MPPE1: variants seen among roughly 807,000 people sequenced by gnomAD.
MPPE1 encodes the protein metallo phosphoesterase.
A neutral mutation model predicts 43.8 loss-of-function variants in MPPE1; 28 were observed. The observed-to-expected ratio is 0.64, with a 90% CI of 0.47 to 0.88. The LOEUF (loss-of-function observed/expected upper bound fraction) is 0.88. MPPE1 is among the 40% of genes least tolerant of loss of function. MPPE1 has a pLI of 0.00. For missense variants in MPPE1, 428 were observed against 492.2 expected (o/e 0.87, Z 1.23); for synonymous variants, 159 against 188.5 (o/e 0.84, Z 1.28).
intron 3 of MPPE1, among the ~76,000 whole-genome samples, chr18:11,894,037 GGCTA>G (rs956799882): frequency 1.1e-4 from 16 of 152,274 alleles, no homozygotes; most frequent in African/African-American, 3.8e-4. Flanking sequence ...AAGAGAAATA[GGCTA>G]GCTAATATCA....
chr18:11,886,756 C>T lies in MPPE1; in HGVS notation c.701G>A (p.Gly234Glu), dbSNP rs2037326645. The change falls in exon 8 of 11, where the codon GGA becomes GAA. Residue 234 changes from glycine to glutamate, a missense_variant. Transcript: ENST00000588072. This position sits in a 1 kb window ranked among gnomAD's most constrained non-coding sequence, Gnocchi z 4.1. The stretch of plus-strand genomic sequence containing the variant: ...AGACGTGGGCAGCAGAGGCCCAGGT[C>T]CACACCGGCTGGAGCCACGTGCCTG... Reference protein sequence around the residue: ...SREARGSSRCGPGPLLPTSAP... With the variant: ...SREARGSSRCEPGPLLPTSAP... 6.2e-7 allele frequency: 1 copy of T among 1,613,272 alleles called. No individual in the cohort carries two copies. Among genetic ancestry groups the T allele is most frequent in the Non-Finnish European group, 8.5e-7 (1 of 1,179,882 alleles).
intron 1 of MPPE1, 155 bp downstream of exon 1, chr18:11,908,046 C>T (rs2039890457): frequency 6.6e-6 from 1 of 151,950 alleles, no homozygotes; most frequent in African/African-American, 2.4e-5. Context: ...GTGAGAGACC[C>T]CTGCAAAGTA....
At chr18:11,900,886 G>A (rs1006376547) in intron 2 of MPPE1, among the ~76,000 whole-genome samples, 14 of 145,366 alleles carry the variant, frequency 9.6e-5, no homozygotes, top group South Asian at 2.1e-4. Context: ...CAGCCTGGGC[G>A]ACAGAGCAAG....
In MPPE1 at chr18:11,884,555, A is replaced by AGAT. The variant is rs1429535466; in HGVS notation, c.1078_1080dup (p.Ile360dup). On this transcript the variant is annotated inframe_insertion, in exon 11 of 11. Coordinates refer to ENST00000588072, the MANE Select transcript of MPPE1 (RefSeq NM_023075.6). ...ACAAGGAAGCCCACCACTCCACAGT[A>AGAT]GATGATCAAAACCACATCCTCACGT... 2 of 1,614,086 alleles carry AGAT rather than the reference A, an allele frequency of 1.2e-6. No homozygotes were observed. The highest frequency in any genetic ancestry group is 3.3e-5 in the Admixed American group (2 of 60,026).
chr18:11,889,965 T>A (rs561569096), intron 4 of MPPE1, among the ~76,000 whole-genome samples: 4 of 150,126 alleles, frequency 2.7e-5, no homozygotes, highest in African/African-American at 4.9e-5. Flanking sequence ...TTTTTTGAGA[T>A]GGAGTCTCGC....
At chr18:11,887,986 C>A (rs2037531051) in intron 6 of MPPE1, among the ~76,000 whole-genome samples, 2 of 152,188 alleles carry the variant, frequency 1.3e-5, no homozygotes, top group Admixed American at 6.5e-5. Flanking sequence ...GTGCTGGGCA[C>A]CCACAGGAAG....
chr18:11,894,431 CAAAAAA>C (rs66687820), intron 3 of MPPE1, among the ~76,000 whole-genome samples: 10 of 65,160 alleles, frequency 1.5e-4, no homozygotes, highest in Non-Finnish European at 2.4e-4. Context: ...GACTCCATCT[CAAAAAA>C]AAAAAAAAAA....
At chr18:11,899,348 A>C (rs189037648) in intron 2 of MPPE1, among the ~76,000 whole-genome samples, 2 of 152,234 alleles carry the variant, frequency 1.3e-5, no homozygotes, top group African/African-American at 4.8e-5. Flanking sequence ...TACTGCAACC[A>C]GATTATATGT....
chr18:11,885,884 G>A lies in MPPE1; in HGVS notation c.868-68C>T, dbSNP rs1431318556. 4 of 1,442,980 alleles carry A rather than the reference G, an allele frequency of 2.8e-6. 1 individual carries two copies. The South Asian group carries it at 4.2e-5, about 15-fold the overall frequency. 89.4% of individuals were successfully genotyped at this position (1,442,980 alleles called of 1,614,324 possible). A position where few individuals can be genotyped will look rare whatever the true frequency, so the allele number is the denominator to read the frequency against. ...TCCTCAACCAGGCTCTCACCGCTCA[G>A]CAGACGGCCGCTGGCCATCGCTTCT... On this transcript the variant is annotated intron_variant, in intron 9 of 10. Transcript: ENST00000588072.
intron 4 of MPPE1, among the ~76,000 whole-genome samples, chr18:11,892,671 C>CA (rs1223284738): frequency 2.4e-3 from 282 of 116,250 alleles, no homozygotes; most frequent in Middle Eastern, 4.4e-3. Context: ...AACTCCATCT[C>CA]AAAAAAAAAA....
rs201396878 is a variant in MPPE1 at position 11,884,422 on chromosome 18, A to G, written c.*23T>C. ...CCAAAGTTCCATTTCTTGGGCTTTG[A>G]TATTTATAATGGCGCCTGCTCTTCA... is the stretch of plus-strand genomic sequence containing the variant. On this transcript the variant is annotated 3_prime_UTR_variant, in exon 11 of 11. Transcript: ENST00000588072. The G allele has an allele frequency of 9.5e-5, 152 of 1,607,616 alleles. No homozygotes were observed. The highest frequency in any genetic ancestry group is 3.4e-4 in the Middle Eastern group (2 of 5,936).
chr18:11,900,667 G>A (rs1451682893), intron 2 of MPPE1, among the ~76,000 whole-genome samples: 1 of 152,022 alleles, frequency 6.6e-6, no homozygotes, highest in Non-Finnish European at 1.5e-5. Flanking sequence ...CAGCACTTTG[G>A]GAGGCCAAGG....
chr18:11,900,739 C>G (rs554042151), intron 2 of MPPE1, among the ~76,000 whole-genome samples: 1 of 151,714 alleles, frequency 6.6e-6, no homozygotes, highest in Non-Finnish European at 1.5e-5. Context: ...AACCCCATCT[C>G]TACTAAAAAT....
intron 3 of MPPE1, among the ~76,000 whole-genome samples, chr18:11,894,991 C>G (rs978045664): frequency 1.3e-5 from 2 of 152,180 alleles, no homozygotes; most frequent in African/African-American, 4.8e-5. Context: ...AGCAGGTGCT[C>G]AAAAATGTCA....
In MPPE1 at chr18:11,893,505, C is replaced by G. The variant is rs767144079; in HGVS notation, c.353G>C (p.Gly118Ala). ...CCACTTCCCTTCATCAAAGATATCCCCCAGGATGAAGACGACTTCCGGCTG... is the reference window on the plus strand; with the variant it reads ...CCACTTCCCTTCATCAAAGATATCCGCCAGGATGAAGACGACTTCCGGCTG... ...LLQPEVVFIL[G>A]DIFDEGKWST... The change falls in exon 4 of 11, where the codon GGG becomes GCG. Residue 118 changes from glycine to alanine, a missense_variant. Transcript: ENST00000588072. 1.2e-6 allele frequency: 2 copies of G among 1,613,908 alleles called. No individual in the cohort carries two copies. The highest frequency in any genetic ancestry group is 2.2e-5 in the South Asian group (2 of 91,078).
intron 9 of MPPE1, 173 bp from the exon 10 acceptor site, chr18:11,885,989 C>G (rs1203704918): frequency 1.1e-5 from 6 of 562,478 alleles, no homozygotes; most frequent in Non-Finnish European, 1.4e-5. Context: ...TTTATTTACA[C>G]TAAATCAAAG....
intron 10 of MPPE1, chr18:11,885,183 A>T (rs2144053371): frequency 1.7e-6 from 1 of 575,836 alleles, no homozygotes; most frequent in East Asian, 8.9e-5. Context: ...GAAGTAAAAG[A>T]ACCTGTCGTA....
rs1480135662 is a variant in MPPE1, at chr18:11,897,073, G to A, written c.192C>T (p.Thr64=). The change falls in exon 3 of 11, where the codon ACC becomes ACT. Residue 64 remains threonine (T), a synonymous_variant. Coordinates refer to ENST00000588072, the MANE Select transcript of MPPE1 (RefSeq NM_023075.6). ...TGGCTTTGAGCACAGGCTCACGTGT[G>A]GTCTGTTCACCATCAGAGGCTGTGG... ...VKTTASDGEQ[T]TREPVLKAMF... is the part of the protein sequence containing the mutation. 1 of 1,529,812 alleles carries A rather than the reference G, an allele frequency of 6.5e-7. No homozygotes were observed. Among genetic ancestry groups the A allele is most frequent in the Non-Finnish European group, 8.9e-7 (1 of 1,118,580 alleles). The allele number at this position is 1,529,812 out of a possible 1,614,324, so 94.8% of individuals were successfully genotyped here.
chr18:11,902,613 G>A (rs1201247539), intron 2 of MPPE1: 2 of 152,192 alleles, frequency 1.3e-5, no homozygotes, highest in African/African-American at 4.8e-5. Context: ...GAGTCTTCCA[G>A]TATGCAAACC....
Sources: allele counts gnomAD v4.1 joint callset (sites outside exome capture counted in the v4.1 genomes callset), GRCh38; gene constraint gnomAD v4.1.1; non-coding constraint Gnocchi (gnomAD v3.1); transcripts MANE v1.5; gene names NCBI Gene and HGNC (gene_info 2026-07-23, HGNC 2026-07-21).